The following B3GALT1 variants were observed in gnomAD, a reference collection of about 807,000 sequenced individuals.
B3GALT1 encodes the protein beta-1,3-galactosyltransferase 1, also known as UDP-Gal:betaGlcNAc beta 1,3-galactosyltransferase, polypeptide 1.
A neutral mutation model predicts 23.2 loss-of-function variants in B3GALT1; 10 were observed. The observed-to-expected ratio is 0.43, with a 90% confidence interval of 0.27 to 0.73. B3GALT1 has a LOEUF of 0.73. B3GALT1 is among the 30% of genes least tolerant of loss of function. The pLI, the probability that B3GALT1 is intolerant of heterozygous loss-of-function variation, is 0.21. For missense variants in B3GALT1, 299 were observed against 405.4 expected, an observed-to-expected ratio of 0.74 and a Z score of 2.25; for synonymous variants, 156 against 141.5, an observed-to-expected ratio of 1.10 and a Z score of -0.73.
intron 1 of B3GALT1, among the ~76,000 whole-genome samples, chr2:167,355,038 T>C (rs1697379217): frequency 6.6e-6 from 1 of 152,200 alleles, no homozygotes; most frequent in African/African-American, 2.4e-5. Context: ...ATGGCCAGGA[T>C]CAGGTGTTGT....
intron 2 of B3GALT1, among the ~76,000 whole-genome samples, chr2:167,495,787 A>G: frequency 6.6e-6 from 1 of 152,182 alleles, no homozygotes; most frequent in East Asian, 1.9e-4. Flanking sequence ...TGGGATGGGA[A>G]GGCCTATGTA....
At chr2:167,849,937 C>A (rs1405997212) in intron 4 of B3GALT1, among the ~76,000 whole-genome samples, 1 of 146,214 alleles carries the variant, frequency 6.8e-6, no homozygotes, top group Non-Finnish European at 1.5e-5. Flanking sequence ...GAAACTGCAA[C>A]AATTCTGAAG....
At chr2:167,685,776 C>T (rs1686609033) in intron 3 of B3GALT1, among the ~76,000 whole-genome samples, 1 of 152,176 alleles carries the variant, frequency 6.6e-6, no homozygotes, top group South Asian at 2.1e-4. Context: ...TAGCCACGTG[C>T]TCAATGGCCC....
Position 167,674,596 on chromosome 2 carries a change from A to G in B3GALT1, c.-352+27630A>G, listed in dbSNP as rs917254440. On this transcript the variant is annotated intron_variant, in intron 3 of 4. Transcript: ENST00000392690. ...CAGAGTTCAATTTGTTCAGAGTTGT[A>G]TAGACCCAGGTATCTCAAAGGAGCC... 2.0e-5 allele frequency among the ~76,000 whole-genome samples: 3 copies of G among 152,212 alleles called. No homozygotes were observed. The South Asian group carries it at 6.2e-4, about 32-fold the overall frequency.
intron 2 of B3GALT1, among the ~76,000 whole-genome samples, chr2:167,630,723 T>G (rs1421704904): frequency 6.6e-6 from 1 of 151,774 alleles, no homozygotes; most frequent in Non-Finnish European, 1.5e-5. Flanking sequence ...GTATGGGTGC[T>G]TATTGTACCA....
intron 3 of B3GALT1, among the ~76,000 whole-genome samples, chr2:167,690,692 G>A (rs1240628527): frequency 6.6e-6 from 1 of 152,110 alleles, no homozygotes; most frequent in Non-Finnish European, 1.5e-5. Context: ...TTTATTGAGT[G>A]AAAGCTGCAA....
intron 2 of B3GALT1, among the ~76,000 whole-genome samples, chr2:167,637,481 T>TAC (rs1185285493): frequency 6.6e-6 from 1 of 152,010 alleles, no homozygotes; most frequent in Non-Finnish European, 1.5e-5. Flanking sequence ...CACCCTCAAG[T>TAC]ACTTCTCATT....
chr2:167,427,206 C>T (rs1172386666), intron 1 of B3GALT1, among the ~76,000 whole-genome samples: 1 of 152,134 alleles, frequency 6.6e-6, no homozygotes, highest in East Asian at 1.9e-4. Flanking sequence ...GAAATTAGTA[C>T]TCTGAAGTGA....
intron 1 of B3GALT1, among the ~76,000 whole-genome samples, chr2:167,389,169 A>G (rs931534785): frequency 6.6e-5 from 10 of 152,162 alleles, no homozygotes; most frequent in Non-Finnish European, 2.9e-5. Flanking sequence ...GCACATGAAT[A>G]TTTTTGATGG....
At chr2:167,469,802 A>G (rs1285636799) in intron 1 of B3GALT1, among the ~76,000 whole-genome samples, 1 of 149,056 alleles carries the variant, frequency 6.7e-6, no homozygotes, top group Non-Finnish European at 1.5e-5. Flanking sequence ...TAATTAATAC[A>G]TACAATCATT....
At chr2:167,650,745 G>A (rs1329698461) in intron 3 of B3GALT1, among the ~76,000 whole-genome samples, 1 of 151,948 alleles carries the variant, frequency 6.6e-6, no homozygotes, top group East Asian at 1.9e-4. Flanking sequence ...AAATTTAGTA[G>A]CTTCTGTACT....
chr2:167,678,490 C>T (rs1387469750), intron 3 of B3GALT1, among the ~76,000 whole-genome samples: 1 of 151,886 alleles, frequency 6.6e-6, no homozygotes, highest in Non-Finnish European at 1.5e-5. Context: ...TTTTTAGCAC[C>T]TACTGCCTTC....
intron 2 of B3GALT1, among the ~76,000 whole-genome samples, chr2:167,610,777 C>G (rs778986171): frequency 3.3e-5 from 5 of 151,612 alleles, no homozygotes; most frequent in Non-Finnish European, 7.4e-5. Flanking sequence ...AAAAGAAAAC[C>G]ATATAGAATC....
intron 4 of B3GALT1, among the ~76,000 whole-genome samples, chr2:167,865,510 G>A (rs1283409016): frequency 6.6e-6 from 1 of 151,964 alleles, no homozygotes; most frequent in African/African-American, 2.4e-5. Flanking sequence ...AAATAAATGG[G>A]GCCGGGCACA....
chr2:167,521,496 A>G (rs1456009158), intron 2 of B3GALT1, among the ~76,000 whole-genome samples: 2 of 152,072 alleles, frequency 1.3e-5, no homozygotes, highest in African/African-American at 4.8e-5. Context: ...AAATCTTGGA[A>G]TTTATGTTTT....
At chr2:167,786,263 G>A (rs566083329) in intron 3 of B3GALT1, among the ~76,000 whole-genome samples, 3 of 152,310 alleles carry the variant, frequency 2.0e-5, no homozygotes, top group Non-Finnish European at 2.9e-5. Flanking sequence ...CAGAAACCTC[G>A]CCTGTTACAC....
chr2:167,382,136 T>G (rs1184922950), intron 1 of B3GALT1, among the ~76,000 whole-genome samples: 2 of 152,198 alleles, frequency 1.3e-5, no homozygotes, highest in African/African-American at 4.8e-5. Flanking sequence ...TACAGACTTA[T>G]CAAGTCACTT....
intron 3 of B3GALT1, among the ~76,000 whole-genome samples, chr2:167,707,223 C>T (rs1015292201): frequency 2.6e-5 from 4 of 152,234 alleles, no homozygotes; most frequent in Non-Finnish European, 5.9e-5. Context: ...CTGAGACAAA[C>T]ACCCCTATTG....
At chr2:167,825,411 GAA>G (rs1473745309) in intron 4 of B3GALT1, among the ~76,000 whole-genome samples, 3 of 149,924 alleles carry the variant, frequency 2.0e-5, no homozygotes, top group Non-Finnish European at 3.0e-5. Flanking sequence ...TCTCCAGAGA[GAA>G]AGAACCAATA....
Sources: gnomAD v4.1 joint callset for allele counts (sites outside exome capture counted in the v4.1 genomes callset) on GRCh38, gnomAD v4.1.1 for gene constraint, MANE v1.5 for transcripts, NCBI Gene and HGNC (gene_info 2026-07-23, HGNC 2026-07-21) for gene names.